TRAF3IP2: variants seen among roughly 807,000 people sequenced by gnomAD.
TRAF3IP2 encodes E3 ubiquitin ligase TRAF3IP2.
In TRAF3IP2, 35 loss-of-function variants were observed where a neutral mutation model predicts 57.9. The ratio of observed to expected loss-of-function variants is 0.60; its 90% CI spans 0.46 to 0.80. TRAF3IP2 has a LOEUF of 0.80. Among genes scored for constraint, TRAF3IP2 ranks in the 30% least tolerant of loss-of-function variants. TRAF3IP2 has a pLI of 0.00. For missense variants in TRAF3IP2, 556 were observed against 706.4 expected (o/e 0.79, Z 2.41); for synonymous variants, 251 against 268.9 (o/e 0.93, Z 0.65).
chr6:111,569,788 ATTG>A (rs2128372985), intron 5 of TRAF3IP2, among the ~76,000 whole-genome samples: 1 of 152,252 alleles, frequency 6.6e-6, no homozygotes, highest in South Asian at 2.1e-4. Context: ...AATAGTGATT[ATTG>A]TTATTATCCA....
At chr6:111,572,636 G>A (rs1795864823) in intron 5 of TRAF3IP2, 1 of 385,196 alleles carries the variant, frequency 2.6e-6, no homozygotes, top group Non-Finnish European at 4.7e-6. Context: ...TGCATATGTG[G>A]TCAGCATTAG....
Sources: gnomAD v4.1 joint callset for allele counts (sites outside exome capture counted in the v4.1 genomes callset) on GRCh38, gnomAD v4.1.1 for gene constraint, MANE v1.5 for transcripts, NCBI Gene and HGNC (gene_info 2026-07-23, HGNC 2026-07-21) for gene names.